The following MYO5B variants were observed in gnomAD, a reference collection of about 807,000 sequenced individuals.
MYO5B encodes myosin VB.
A neutral mutation model predicts 229.3 loss-of-function variants in MYO5B; 143 were observed. The ratio of observed to expected loss-of-function variants is 0.62; its 90% CI spans 0.54 to 0.72. The LOEUF is 0.72. MYO5B is among the 30% of genes least tolerant of loss of function. The pLI, the probability that MYO5B is intolerant of heterozygous loss-of-function variation, is 0.00. For missense variants in MYO5B, 2,321 were observed against 2,331.0 expected (o/e 1.00, Z 0.09); for synonymous variants, 918 against 885.2 (o/e 1.04, Z -0.66).
At chr18:50,109,625 A>G (rs1262558334) in intron 1 of MYO5B, among the ~76,000 whole-genome samples, 2 of 152,012 alleles carry the variant, frequency 1.3e-5, no homozygotes, top group East Asian at 3.9e-4. Context: ...ACAGGGTCTC[A>G]CCGCATTAGC....
At chr18:49,939,365 C>T (rs1280130997) in intron 14 of MYO5B, among the ~76,000 whole-genome samples, 2 of 151,934 alleles carry the variant, frequency 1.3e-5, no homozygotes, top group Non-Finnish European at 2.9e-5. Flanking sequence ...AGGATGGTCT[C>T]GATCTCTTGA....
At chr18:50,014,963 A>T (rs2026201287) in intron 4 of MYO5B, among the ~76,000 whole-genome samples, 1 of 152,218 alleles carries the variant, frequency 6.6e-6, no homozygotes, top group African/African-American at 2.4e-5. Flanking sequence ...TAGACTCAAC[A>T]ATCTGAGGGC....
intron 30 of MYO5B, 80 bp from the exon 31 acceptor site, chr18:49,853,727 G>T: frequency 1.5e-6 from 2 of 1,346,042 alleles, no homozygotes; most frequent in South Asian, 2.5e-5. Flanking sequence ...AAACATAACA[G>T]GGGAGCAGCC....
At position 49,852,392 on chromosome 18, in the gene MYO5B, T is replaced by C. The variant is rs16951145; in HGVS notation, c.4221+1057A>G. ...TCATAAAGCCACCAGGTAACACACG[T>C]ATATGCAACAGAAAGTGACTTGCAG... On this transcript the variant is annotated intron_variant, in intron 31 of 39. Coordinates refer to ENST00000285039, the MANE Select transcript of MYO5B (RefSeq NM_001080467.3). 8.1e-3 allele frequency among the ~76,000 whole-genome samples: 1,239 copies of C among 152,186 alleles called. 16 individuals carry two copies. Among genetic ancestry groups the C allele is most frequent in the African/African-American group, 0.027 (1,125 of 41,524 alleles).
chr18:50,115,404 A>AC (rs2031939868), intron 1 of MYO5B, among the ~76,000 whole-genome samples: 1 of 152,114 alleles, frequency 6.6e-6, no homozygotes, highest in African/African-American at 2.4e-5. Flanking sequence ...CAGTTATGCA[A>AC]CCCTCTCCCT....
At chr18:50,071,033 A>C (rs1332895529) in intron 1 of MYO5B, among the ~76,000 whole-genome samples, 2 of 152,182 alleles carry the variant, frequency 1.3e-5, no homozygotes, top group African/African-American at 4.8e-5. Flanking sequence ...TATGTTGCCT[A>C]GGCTGGTATC....
chr18:49,974,798 G>GACACACACACACACACACAC (rs10680505), intron 9 of MYO5B, among the ~76,000 whole-genome samples, 183 bp from the exon 10 acceptor site: 7,280 of 130,976 alleles, frequency 0.056, 562 homozygotes, highest in Middle Eastern at 0.087. Flanking sequence ...CACACACACA[G>GACACACACACACACACACAC]ACACACACAC....
At position 49,906,640 on chromosome 18, in the gene MYO5B, G is replaced by T. The variant is rs2144150990; in HGVS notation, c.2203-10C>A. 2 of 1,609,996 alleles carry T rather than the reference G, an allele frequency of 1.2e-6. No individual in the cohort carries two copies. Among genetic ancestry groups the T allele is most frequent in the Non-Finnish European group, 1.7e-6 (2 of 1,176,492 alleles). ...GGAACTTGTCGGGGTCCTTTACAAG[G>T]TAGGGAGGGGATCTGGTTGGTCACC... On this transcript the variant is annotated splice_polypyrimidine_tract_variant and intron_variant, in intron 18 of 39. Transcript: ENST00000285039.
chr18:50,048,450 C>G (rs991301698), intron 2 of MYO5B, among the ~76,000 whole-genome samples: 2 of 152,278 alleles, frequency 1.3e-5, no homozygotes, highest in East Asian at 3.9e-4. Context: ...TGAGGCTCTG[C>G]TCTCTAAGGT....
chr18:50,122,351 C>T (rs2032072107), intron 1 of MYO5B, among the ~76,000 whole-genome samples: 1 of 148,198 alleles, frequency 6.7e-6, no homozygotes, highest in African/African-American at 2.5e-5. Flanking sequence ...CCTGTAATCC[C>T]AGCACTTTCG....
At chr18:49,853,760 C>T in intron 30 of MYO5B, 113 bp from the exon 31 acceptor site, 1 of 965,242 alleles carries the variant, frequency 1.0e-6, no homozygotes, top group Non-Finnish European at 1.6e-6. Context: ...GCAGCGGTTG[C>T]ACATCCCCCA....
At chr18:50,171,844 A>G (rs1210638396) in intron 1 of MYO5B, among the ~76,000 whole-genome samples, 1 of 128,270 alleles carries the variant, frequency 7.8e-6, no homozygotes, top group Non-Finnish European at 1.7e-5. Flanking sequence ...CAGAGGAAAG[A>G]ATACAGAGAG....
chr18:50,095,695 T>A (rs1356127714), intron 1 of MYO5B, among the ~76,000 whole-genome samples: 1 of 152,210 alleles, frequency 6.6e-6, no homozygotes. Context: ...ACGAGACCCA[T>A]GCGCCTTGGG....
intron 2 of MYO5B, among the ~76,000 whole-genome samples, chr18:50,042,564 C>A (rs2030052154): frequency 6.6e-6 from 1 of 152,108 alleles, no homozygotes; most frequent in Non-Finnish European, 1.5e-5. Flanking sequence ...GAAAAATTTC[C>A]AAAAGGTGGG....
intron 39 of MYO5B, among the ~76,000 whole-genome samples, chr18:49,832,608 G>GT (rs2023936905): frequency 6.6e-6 from 1 of 152,216 alleles, no homozygotes; most frequent in African/African-American, 2.4e-5. Context: ...GCATGGCACT[G>GT]TAAGATGGCT....
intron 32 of MYO5B, among the ~76,000 whole-genome samples, chr18:49,848,429 G>T (rs1166561680): frequency 6.6e-6 from 1 of 152,182 alleles, no homozygotes; most frequent in Non-Finnish European, 1.5e-5. Context: ...AATGGAAGAG[G>T]ACCAGGACGA....
intron 22 of MYO5B, among the ~76,000 whole-genome samples, chr18:49,883,819 T>C (rs1448106077): frequency 6.6e-6 from 1 of 152,212 alleles, no homozygotes; most frequent in Non-Finnish European, 1.5e-5. Flanking sequence ...ACATTGACAG[T>C]CAATTGATTT....
At chr18:49,918,026 A>G (rs1036345545) in intron 17 of MYO5B, among the ~76,000 whole-genome samples, 12 of 152,202 alleles carry the variant, frequency 7.9e-5, no homozygotes, top group African/African-American at 2.9e-4. Context: ...ACCAGTCTGG[A>G]AAGATGTTTC....
chr18:49,906,655 G>C (rs760859319), intron 18 of MYO5B, 25 bp from the exon 19 acceptor site: 4 of 1,595,052 alleles, frequency 2.5e-6, no homozygotes, highest in Non-Finnish European at 3.4e-6. Flanking sequence ...GAGGGGATCT[G>C]GTTGGTCACC....
Sources: allele counts gnomAD v4.1 joint callset (sites outside exome capture counted in the v4.1 genomes callset), GRCh38; gene constraint gnomAD v4.1.1; transcripts MANE v1.5; gene names NCBI Gene and HGNC (gene_info 2026-07-23, HGNC 2026-07-21).